The following ARHGAP44 variants were observed in gnomAD, a reference collection of about 807,000 sequenced individuals.
The protein encoded by ARHGAP44 is rho GTPase-activating protein 44.
A neutral mutation model predicts 106.8 loss-of-function variants in ARHGAP44; 43 were observed. The ratio of observed to expected loss-of-function variants is 0.40; its 90% CI spans 0.32 to 0.52. The LOEUF (loss-of-function observed/expected upper bound fraction) is 0.52, where lower values mean the gene tolerates loss of function less well. ARHGAP44 is among the 20% of genes least tolerant of loss of function. The probability of loss-of-function intolerance (pLI) is 0.48; values close to 1 mark genes in which losing one functional copy is unlikely to be tolerated. For missense variants in ARHGAP44, 866 were observed against 1,050.5 expected, an observed-to-expected ratio of 0.82 and a Z score of 2.43; for synonymous variants, 439 against 410.3, an observed-to-expected ratio of 1.07 and a Z score of -0.85.
intron 18 of ARHGAP44, among the ~76,000 whole-genome samples, chr17:12,975,666 CG>C (rs907306364): frequency 4.8e-4 from 72 of 151,578 alleles, no homozygotes; most frequent in African/African-American, 1.7e-3. Flanking sequence ...GGCGTGGTGG[CG>C]GGCGCCTGTA....
chr17:12,840,076 A>G (rs9907009), intron 1 of ARHGAP44, among the ~76,000 whole-genome samples: 29,671 of 152,156 alleles, frequency 0.2, 3,868 homozygotes, highest in African/African-American at 0.37. Context: ...CTGTGGATAT[A>G]TGTATTAACA....
chr17:12,894,245 T>A (rs1436841300), intron 1 of ARHGAP44, among the ~76,000 whole-genome samples: 3 of 150,738 alleles, frequency 2.0e-5, no homozygotes, highest in South Asian at 2.1e-4. Flanking sequence ...AGAGAGAGTG[T>A]GTGTGTGTGT....
intron 8 of ARHGAP44, among the ~76,000 whole-genome samples, 153 bp from the exon 9 acceptor site, chr17:12,943,435 A>G (rs2038757950): frequency 6.6e-6 from 1 of 152,150 alleles, no homozygotes; most frequent in African/African-American, 2.4e-5. Context: ...CTAAAGAGGA[A>G]GCATGCTCGT....
intron 1 of ARHGAP44, among the ~76,000 whole-genome samples, chr17:12,868,594 TA>T (rs2036307744): frequency 1.3e-4 from 2 of 14,830 alleles, no homozygotes; most frequent in African/African-American, 4.7e-4. Context: ...ATGCATTTTA[TA>T]TATATATATA....
chr17:12,796,671 A>T (rs1230908396), intron 1 of ARHGAP44, among the ~76,000 whole-genome samples: 1 of 150,678 alleles, frequency 6.6e-6, no homozygotes, highest in Non-Finnish European at 1.5e-5. Context: ...ATCTCGGCTT[A>T]CTGCAAGCTC....
intron 19 of ARHGAP44, 30 bp downstream of exon 19, chr17:12,980,263 TCAGG>T (rs1234477975): frequency 6.3e-7 from 1 of 1,585,490 alleles, no homozygotes; most frequent in Non-Finnish European, 8.6e-7. Flanking sequence ...CTCCTTGGTC[TCAGG>T]CCGGAGGTGG....
At chr17:12,802,953 ATATATATATATATATATTTT>A (rs1390223342) in intron 1 of ARHGAP44, among the ~76,000 whole-genome samples, 4 of 21,524 alleles carry the variant, frequency 1.9e-4, no homozygotes, top group African/African-American at 8.8e-4. Flanking sequence ...ATATATATAT[ATATATATATATATATATTTT>A]TTTTTTTTTT....
chr17:12,904,295 A>G (rs1476785748), intron 3 of ARHGAP44, among the ~76,000 whole-genome samples: 3 of 151,946 alleles, frequency 2.0e-5, no homozygotes, highest in African/African-American at 7.3e-5. Context: ...TTTAGTAGAG[A>G]TGGGGCTTCA....
At chr17:12,841,629 C>T (rs888624599) in intron 1 of ARHGAP44, among the ~76,000 whole-genome samples, 1 of 107,826 alleles carries the variant, frequency 9.3e-6, no homozygotes, top group Non-Finnish European at 2.1e-5. Context: ...CACACACACA[C>T]ACACACACAC....
At chr17:12,841,626 ACACACACAC>A (rs768682099) in intron 1 of ARHGAP44, among the ~76,000 whole-genome samples, 7 of 140,292 alleles carry the variant, frequency 5.0e-5, no homozygotes, top group Admixed American at 2.1e-4. Context: ...ACACACACAC[ACACACACAC>A]ACACAAACAA....
At chr17:12,886,504 A>G (rs2036885946) in intron 1 of ARHGAP44, among the ~76,000 whole-genome samples, 1 of 152,082 alleles carries the variant, frequency 6.6e-6, no homozygotes, top group African/African-American at 2.4e-5. Flanking sequence ...AGCATTTTTT[A>G]GCTTTCTGCC....
chr17:12,798,702 ATT>A (rs68131682), intron 1 of ARHGAP44, among the ~76,000 whole-genome samples: 1 of 151,704 alleles, frequency 6.6e-6, no homozygotes, highest in East Asian at 1.9e-4. Context: ...AAAGCATTTG[ATT>A]TTTTTCCCCC....
intron 15 of ARHGAP44, 120 bp downstream of exon 15, chr17:12,956,866 AACAC>A (rs3076699): frequency 7.3e-4 from 447 of 616,244 alleles, no homozygotes; most frequent in East Asian, 1.2e-3. Flanking sequence ...TTCCCCTATA[AACAC>A]ACACACACAC....
intron 1 of ARHGAP44, among the ~76,000 whole-genome samples, chr17:12,805,065 A>G (rs148824040): frequency 6.6e-6 from 1 of 152,284 alleles, no homozygotes; most frequent in Non-Finnish European, 1.5e-5. Context: ...TTGATGGTAG[A>G]TGAGGTGTTC....
At chr17:12,873,819 A>T (rs1449936667) in intron 1 of ARHGAP44, among the ~76,000 whole-genome samples, 1 of 152,130 alleles carries the variant, frequency 6.6e-6, no homozygotes, top group Non-Finnish European at 1.5e-5. Context: ...CAGGAGAATC[A>T]CTTGAACCCA....
intron 16 of ARHGAP44, among the ~76,000 whole-genome samples, chr17:12,965,819 G>A (rs2039376474): frequency 6.6e-6 from 1 of 152,150 alleles, no homozygotes; most frequent in African/African-American, 2.4e-5. Context: ...AGATGTGGAT[G>A]TCCTCTGTAG....
chr17:12,879,669 ATG>A (rs918784374), intron 1 of ARHGAP44, among the ~76,000 whole-genome samples: 2 of 141,314 alleles, frequency 1.4e-5, no homozygotes, highest in African/African-American at 5.0e-5. Context: ...GTATAAATAT[ATG>A]TGTGTGTATG....
intron 1 of ARHGAP44, among the ~76,000 whole-genome samples, chr17:12,842,076 CA>C (rs1293881214): frequency 1.3e-5 from 2 of 151,460 alleles, no homozygotes; most frequent in Non-Finnish European, 2.9e-5. Flanking sequence ...CTTGGCCGAA[CA>C]TGAGAATCGC....
chr17:12,943,737 T>C, intron 9 of ARHGAP44, 68 bp downstream of exon 9: 13 of 1,335,576 alleles, frequency 9.7e-6, no homozygotes, highest in South Asian at 2.4e-5. Flanking sequence ...ATGAGATGAA[T>C]TCCTTGTATG....
Sources: allele counts gnomAD v4.1 joint callset (sites outside exome capture counted in the v4.1 genomes callset), GRCh38; gene constraint gnomAD v4.1.1; transcripts MANE v1.5; gene names NCBI Gene and HGNC (gene_info 2026-07-23, HGNC 2026-07-21).